SPEF2: variants seen among roughly 807,000 people sequenced by gnomAD.
SPEF2 encodes the protein sperm flagella and cilia-associated protein 2.
A neutral mutation model predicts 224.6 loss-of-function variants in SPEF2; 187 were observed. The ratio of observed to expected loss-of-function variants is 0.83; its 90% confidence interval spans 0.74 to 0.94. The LOEUF (loss-of-function observed/expected upper bound fraction) is 0.94, where lower values mean the gene tolerates loss of function less well. Ranked by LOEUF, SPEF2 falls within the 40% of genes least tolerant of loss-of-function variation. The pLI, the probability that SPEF2 is intolerant of heterozygous loss-of-function variation, is 0.00. For missense variants in SPEF2, 2,170 were observed against 2,135.6 expected, an observed-to-expected ratio of 1.02 and a Z score of -0.32; for synonymous variants, 715 against 707.3, an observed-to-expected ratio of 1.01 and a Z score of -0.17.
chr5:35,801,982 C>T (rs1277706933), intron 34 of SPEF2, among the ~76,000 whole-genome samples: 2 of 152,148 alleles, frequency 1.3e-5, no homozygotes, highest in Admixed American at 6.6e-5. Flanking sequence ...TTTGCATGGT[C>T]CCGTGAGGAA....
chr5:35,618,060 G>GT lies in SPEF2; in HGVS notation c.58+6dup. 1 of 1,580,930 alleles carries GT rather than the reference G, an allele frequency of 6.3e-7. No homozygotes were observed. Among genetic ancestry groups the GT allele is most frequent in the Non-Finnish European group, 8.6e-7 (1 of 1,160,734 alleles). On this transcript the variant is annotated splice_donor_region_variant and intron_variant, in intron 1 of 36. Coordinates refer to ENST00000356031, the MANE Select transcript of SPEF2 (RefSeq NM_024867.4). The stretch of plus-strand genomic sequence containing the variant: ...TGAAGGTGTCCCGGACCGTGAGTGA[G>GT]TGACCACGGCCAGGGGCGAGCGTCT...
At chr5:35,781,985 C>T (rs900377498) in intron 30 of SPEF2, among the ~76,000 whole-genome samples, 3 of 152,112 alleles carry the variant, frequency 2.0e-5, no homozygotes, top group African/African-American at 7.2e-5. Flanking sequence ...TTGACAATGG[C>T]CCTGCCTGAG....
chr5:35,752,044 A>G (rs769244054), intron 23 of SPEF2, among the ~76,000 whole-genome samples: 4 of 152,188 alleles, frequency 2.6e-5, no homozygotes, highest in Non-Finnish European at 4.4e-5. Context: ...AGAAGTACGC[A>G]GCCTACATCT....
In SPEF2 at chr5:35,695,729, T is replaced by C. The variant is rs1178934824; in HGVS notation, c.1976-6T>C. 6.2e-7 allele frequency: 1 copy of C among 1,606,284 alleles called. No individual in the cohort carries two copies. ...AATTTGTTCTTACCACTTTTCCTAT[T>C]GCTAGGTGCTAATGCTGATAAAACA... On this transcript the variant is annotated splice_region_variant and splice_polypyrimidine_tract_variant and intron_variant, in intron 13 of 36. Coordinates refer to ENST00000356031, the MANE Select transcript of SPEF2 (RefSeq NM_024867.4).
intron 8 of SPEF2, among the ~76,000 whole-genome samples, chr5:35,661,099 A>G (rs967142209): frequency 6.6e-5 from 10 of 151,862 alleles, no homozygotes; most frequent in Admixed American, 2.0e-4. Context: ...AGCTGAATAA[A>G]TCAATCAATA....
rs1322960348 is a variant in SPEF2 at position 35,748,153 on chromosome 5, C to G, written c.3331-5471C>G. On this transcript the variant is annotated intron_variant, in intron 23 of 36. Coordinates refer to ENST00000356031, the MANE Select transcript of SPEF2 (RefSeq NM_024867.4). ...TCGAACTGAATGACAGTGACACAAC[C>G]TACCAAAACCTCGGATACAGCAAAG... Among the ~76,000 whole-genome samples the G allele has an allele frequency of 2.0e-5, 3 of 152,044 alleles. No homozygotes were observed. In the East Asian group the frequency reaches 5.8e-4, roughly 29 times the overall value.
intron 15 of SPEF2, chr5:35,698,952 A>G (rs1160176766): frequency 6.6e-6 from 1 of 152,186 alleles, no homozygotes; most frequent in East Asian, 1.9e-4. Context: ...TGAATCAACA[A>G]ATTTATTATA....
chr5:35,686,282 A>G (rs182129410), intron 10 of SPEF2, among the ~76,000 whole-genome samples: 1 of 152,116 alleles, frequency 6.6e-6, no homozygotes, highest in African/African-American at 2.4e-5. Flanking sequence ...GAATAGTTTA[A>G]TAAATAGGTT....
Position 35,746,299 on chromosome 5 carries a change from G to A in SPEF2, c.3330+6032G>A, listed in dbSNP as rs13170277. Among the ~76,000 whole-genome samples the A allele has an allele frequency of 1.2e-3, 182 of 152,240 alleles. 5 individuals carry two copies. In the South Asian group the frequency reaches 0.036, roughly 30 times the overall value. On this transcript the variant is annotated intron_variant, in intron 23 of 36. Coordinates refer to ENST00000356031, the MANE Select transcript of SPEF2 (RefSeq NM_024867.4). ...GTGAAAAAATCACACTAGTTCACCAGCAATGGATCCAAACCAAGAAATCCC... is the reference window on the plus strand; with the variant it reads ...GTGAAAAAATCACACTAGTTCACCAACAATGGATCCAAACCAAGAAATCCC...
At chr5:35,673,856 T>G (rs1751523085) in intron 10 of SPEF2, among the ~76,000 whole-genome samples, 1 of 152,204 alleles carries the variant, frequency 6.6e-6, no homozygotes, top group African/African-American at 2.4e-5. Context: ...TGTGTACGCC[T>G]GTCACTACAG....
intron 26 of SPEF2, chr5:35,764,657 A>G (rs2149763310): frequency 2.2e-6 from 1 of 456,226 alleles, no homozygotes; most frequent in South Asian, 1.5e-5. Context: ...AGATTTTGTG[A>G]AAGTGGTAGA....
chr5:35,751,096 C>CACACATATATAT (rs1554048857), intron 23 of SPEF2, among the ~76,000 whole-genome samples: 1 of 30,618 alleles, frequency 3.3e-5, no homozygotes, highest in Non-Finnish European at 6.5e-5. Flanking sequence ...CACACACACA[C>CACACATATATAT]ATATATATAT....
At chr5:35,796,753 A>G (rs1756726214) in intron 33 of SPEF2, among the ~76,000 whole-genome samples, 1 of 152,230 alleles carries the variant, frequency 6.6e-6, no homozygotes, top group African/African-American at 2.4e-5. Flanking sequence ...ATTGCAGTAC[A>G]AAATTGAGCA....
chr5:35,629,602 T>G (rs1381987925), intron 2 of SPEF2, among the ~76,000 whole-genome samples: 1 of 152,226 alleles, frequency 6.6e-6, no homozygotes, highest in Admixed American at 6.5e-5. Context: ...GTGGCTATAT[T>G]GAAATATAAT....
chr5:35,630,220 G>A (rs1439976421), intron 2 of SPEF2, among the ~76,000 whole-genome samples: 1 of 152,136 alleles, frequency 6.6e-6, no homozygotes, highest in Non-Finnish European at 1.5e-5. Flanking sequence ...CAGGTGCATG[G>A]TGCAAGCTGT....
intron 18 of SPEF2, among the ~76,000 whole-genome samples, chr5:35,708,490 C>T (rs1322003308): frequency 3.7e-5 from 4 of 108,456 alleles, no homozygotes; most frequent in South Asian, 3.1e-4. Flanking sequence ...ATACCTGCTC[C>T]GTACACACAA....
chr5:35,722,144 T>C (rs1049446015), intron 20 of SPEF2, among the ~76,000 whole-genome samples: 3 of 151,966 alleles, frequency 2.0e-5, no homozygotes, highest in Non-Finnish European at 2.9e-5. Flanking sequence ...CTTACTCTTA[T>C]GCAAGTTGTT....
intron 10 of SPEF2, among the ~76,000 whole-genome samples, chr5:35,672,554 A>G (rs1445927242): frequency 1.3e-5 from 2 of 151,786 alleles, no homozygotes; most frequent in Non-Finnish European, 2.9e-5. Flanking sequence ...TTTTGCTTGT[A>G]TGTGGGAACA....
At chr5:35,653,070 T>G (rs1748428450) in intron 6 of SPEF2, among the ~76,000 whole-genome samples, 2 of 152,316 alleles carry the variant, frequency 1.3e-5, no homozygotes, top group Non-Finnish European at 2.9e-5. Context: ...AATTGATGAT[T>G]ATTTGATCTT....
Sources: allele counts gnomAD v4.1 joint callset (sites outside exome capture counted in the v4.1 genomes callset), GRCh38; gene constraint gnomAD v4.1.1; transcripts MANE v1.5; gene names NCBI Gene and HGNC (gene_info 2026-07-23, HGNC 2026-07-21).